KRIT1: variants seen among roughly 807,000 people sequenced by gnomAD.
KRIT1 encodes KRIT1 ankyrin repeat containing.
In KRIT1, 45 loss-of-function variants were observed where a neutral mutation model predicts 95.8. That is an observed-to-expected ratio of 0.47 (90% CI 0.37 to 0.60). KRIT1 has a LOEUF of 0.60. Ranked by LOEUF, KRIT1 falls within the 20% of genes least tolerant of loss-of-function variation. The pLI is 0.00. For synonymous variants in KRIT1, 282 were observed against 278.8 expected (o/e 1.01, Z -0.11); for missense variants, 788 against 877.5 (o/e 0.90, Z 1.29).
At chr7:92,240,806 A>G in intron 5 of KRIT1, 187 bp downstream of exon 5, 2 of 601,850 alleles carry the variant, frequency 3.3e-6, no homozygotes, top group Non-Finnish European at 5.8e-6. Context: ...CTCAACTTTT[A>G]AAAAATTTGT....
intron 10 of KRIT1, 28 bp from the exon 11 acceptor site, chr7:92,226,710 AC>A: frequency 6.2e-7 from 1 of 1,607,200 alleles, no homozygotes; most frequent in Non-Finnish European, 8.5e-7. Context: ...CAAACAAAAA[AC>A]AACAACAAAA....
intron 14 of KRIT1, among the ~76,000 whole-genome samples, chr7:92,217,925 T>C (rs2131373117): frequency 6.6e-6 from 1 of 152,328 alleles, no homozygotes; most frequent in Middle Eastern, 3.4e-3. Context: ...CATTATTTTC[T>C]GTTTTGTTTT....
chr7:92,233,161 T>TACAC lies in KRIT1; in HGVS notation c.989+1284_989+1287dup, dbSNP rs139965359. 8.8e-3 allele frequency among the ~76,000 whole-genome samples: 1,319 copies of TACAC among 149,460 alleles called. 5 individuals carry two copies. Among genetic ancestry groups the TACAC allele is most frequent in the Non-Finnish European group, 0.014 (914 of 67,354 alleles). ...AGGAAACAGAAAAAAGATCTTTTTA[T>TACAC]ACACACACACACACACACACACACA... On this transcript the variant is annotated intron_variant, in intron 10 of 18. Transcript: ENST00000394505.
At chr7:92,236,684 T>C in intron 6 of KRIT1, 142 bp from the exon 7 acceptor site, 1 of 636,904 alleles carries the variant, frequency 1.6e-6, no homozygotes, top group East Asian at 2.9e-5. Flanking sequence ...AGGCCTGGAT[T>C]CAAGTGATGA....
At chr7:92,216,871 C>T (rs1029563854) in intron 14 of KRIT1, among the ~76,000 whole-genome samples, 3 of 152,212 alleles carry the variant, frequency 2.0e-5, no homozygotes, top group Non-Finnish European at 4.4e-5. Context: ...ATTTCCAATA[C>T]CATGTTCAAT....
chr7:92,231,586 T>C lies in KRIT1; in HGVS notation c.989+2863A>G, dbSNP rs374090114. On this transcript the variant is annotated intron_variant, in intron 10 of 18. Coordinates refer to ENST00000394505, the MANE Select transcript of KRIT1 (RefSeq NM_194454.3). ...AAAATAGGACTAAACCCTAGTCTCT[T>C]CACTGTATCACAGTCAAGAGCCCAG... 5.3e-5 allele frequency among the ~76,000 whole-genome samples: 8 copies of C among 152,312 alleles called. No individual in the cohort carries two copies. In the East Asian group the frequency reaches 1.4e-3, roughly 26 times the overall value.
At chr7:92,224,002 G>A (rs1795695816) in intron 12 of KRIT1, among the ~76,000 whole-genome samples, 1 of 152,156 alleles carries the variant, frequency 6.6e-6, no homozygotes, top group South Asian at 2.1e-4. Context: ...TTGCAATGAA[G>A]TATAACATAA....
Position 92,237,651 on chromosome 7 carries a change from T to C in KRIT1, c.355+16A>G. 2 of 1,446,338 alleles carry C rather than the reference T, an allele frequency of 1.4e-6. No individual in the cohort carries two copies. The highest frequency in any genetic ancestry group is 1.7e-5 in the Admixed American group (1 of 59,712). 89.6% of individuals were successfully genotyped at this position (1,446,338 alleles called of 1,614,324 possible). On this transcript the variant is annotated intron_variant, in intron 6 of 18. Coordinates refer to ENST00000394505, the MANE Select transcript of KRIT1 (RefSeq NM_194454.3). ...CTAAAGTATATAAAGATTTGTAAGA[T>C]ACATTTAGACTTTACCTTTGACAAC...
At chr7:92,232,977 G>A (rs1563296647) in intron 10 of KRIT1, among the ~76,000 whole-genome samples, 1 of 152,128 alleles carries the variant, frequency 6.6e-6, no homozygotes, top group Non-Finnish European at 1.5e-5. Flanking sequence ...ACAGGTGTGA[G>A]CCACTGCACC....
chr7:92,209,439 T>C (rs1432036949), intron 17 of KRIT1, among the ~76,000 whole-genome samples: 2 of 152,276 alleles, frequency 1.3e-5, no homozygotes, highest in South Asian at 2.1e-4. Flanking sequence ...GCAGATGACA[T>C]GATCTTATAT....
chr7:92,234,373 T>C (rs1008744070), intron 10 of KRIT1, 76 bp downstream of exon 10: 86 of 1,145,740 alleles, frequency 7.5e-5, no homozygotes, highest in South Asian at 1.0e-4. Context: ...ATGAGAACAG[T>C]CTTGAAAAGA....
intron 14 of KRIT1, among the ~76,000 whole-genome samples, chr7:92,221,330 T>C (rs1409989495): frequency 6.6e-6 from 1 of 151,974 alleles, no homozygotes; most frequent in African/African-American, 2.4e-5. Flanking sequence ...TCCCAACTAC[T>C]TGGGAGGCTG....
At position 92,226,597 on chromosome 7, in the gene KRIT1, G is replaced by A. The variant is rs1417106399; in HGVS notation, c.1075C>T (p.Leu359Phe). Residue 359 changes from leucine (L) to phenylalanine (F), a missense_variant, in exon 11 of 19, where the codon CTT (leucine) becomes TTT (phenylalanine). Leu to Phe is a conservative substitution (Grantham distance 22). Transcript: ENST00000394505. ...TGTCCTCCTCCAGCAGCAAAATGAA[G>A]AGGAGAACTAAGTTGTCCATTTAAA... Reference protein sequence around the residue: ...NLLNGQLSSPLHFAAGGGHAE... With the variant: ...NLLNGQLSSPFHFAAGGGHAE... 1.2e-6 allele frequency: 2 copies of A among 1,612,772 alleles called. No individual in the cohort carries two copies. Among genetic ancestry groups the A allele is most frequent in the Non-Finnish European group, 1.7e-6 (2 of 1,178,918 alleles).
At chr7:92,209,162 C>A (rs568877296) in intron 17 of KRIT1, among the ~76,000 whole-genome samples, 3 of 151,126 alleles carry the variant, frequency 2.0e-5, no homozygotes, top group Non-Finnish European at 4.4e-5. Context: ...AAAAAAAAAA[C>A]CTCTCAGCGA....
chr7:92,203,359 A>G (rs539712411), intron 17 of KRIT1, among the ~76,000 whole-genome samples: 3 of 152,350 alleles, frequency 2.0e-5, no homozygotes, highest in African/African-American at 7.2e-5. Flanking sequence ...ACTATCTTAA[A>G]GCTTTCAAAG....
chr7:92,219,544 G>A (rs1398464325), intron 14 of KRIT1, among the ~76,000 whole-genome samples: 1 of 152,166 alleles, frequency 6.6e-6, no homozygotes, highest in Non-Finnish European at 1.5e-5. Flanking sequence ...TGATTGCTTA[G>A]CTTTGTGGTG....
chr7:92,237,826 G>T (rs988142066), intron 5 of KRIT1, 67 bp from the exon 6 acceptor site: 7 of 836,828 alleles, frequency 8.4e-6, no homozygotes, highest in Non-Finnish European at 1.2e-5. Context: ...ATTACCTTGA[G>T]AATTAGAAAA....
At chr7:92,222,494 A>C (rs1795340071) in intron 13 of KRIT1, among the ~76,000 whole-genome samples, 1 of 152,204 alleles carries the variant, frequency 6.6e-6, no homozygotes. Flanking sequence ...AGAGAAAAGA[A>C]CATTTGTATT....
chr7:92,221,960 T>G lies in KRIT1; in HGVS notation c.1505A>C (p.Glu502Ala), dbSNP rs2131436258. Residue 502 changes from glutamate (E) to alanine (A), a missense_variant, in exon 14 of 19, where the codon GAA becomes GCA. Transcript: ENST00000394505. The part of the protein sequence containing the change: ...AELTNLDPQR[E>A]TPQLFLRRDV... The stretch of plus-strand genomic sequence containing the variant: ...TCTTCTTAGAAAAAGCTGAGGTGTT[T>G]CCCTTTGAGGATCCAGATTAGTCAA... The G allele has an allele frequency of 6.2e-7, 1 of 1,613,752 alleles. No homozygotes were observed. The highest frequency in any genetic ancestry group is 8.5e-7 in the Non-Finnish European group (1 of 1,179,692).
Sources: gnomAD v4.1 joint callset for allele counts (sites outside exome capture counted in the v4.1 genomes callset) on GRCh38, gnomAD v4.1.1 for gene constraint, MANE v1.5 for transcripts, NCBI Gene and HGNC (gene_info 2026-07-23, HGNC 2026-07-21) for gene names.